EFHC2: variants seen among roughly 807,000 people sequenced by gnomAD.
EFHC2 encodes EF-hand domain containing 2.
Under a neutral mutation model 52.7 loss-of-function variants are expected in EFHC2, and 18 were observed. That is an observed-to-expected ratio of 0.34 (90% CI 0.24 to 0.51). The LOEUF (loss-of-function observed/expected upper bound fraction) is 0.51, where lower values mean the gene tolerates loss of function less well. EFHC2 is among the 20% of genes least tolerant of loss of function. The pLI is 0.97. For synonymous variants in EFHC2, 203 were observed against 204.1 expected (o/e 0.99, Z 0.04); for missense variants, 513 against 562.5 (o/e 0.91, Z 0.89).
rs528354673 is a variant in EFHC2, at chrX:44,302,780, G to T, written c.231+9788C>A. On this transcript the variant is annotated intron_variant, in intron 2 of 14. Transcript: ENST00000420999. Reference sequence around the variant, plus strand: ...TGGTGTCTTTTATGACATGGTAATAGCAAGAGTCAGATAATCTGAGAATTA... The same window carrying T: ...TGGTGTCTTTTATGACATGGTAATATCAAGAGTCAGATAATCTGAGAATTA... Among the ~76,000 whole-genome samples, 20 of 112,132 alleles carry T rather than the reference G, an allele frequency of 1.8e-4. No homozygotes were observed. In the South Asian group the frequency reaches 5.9e-3, roughly 33 times the overall value.
chrX:44,315,449 C>T (rs966175894), intron 1 of EFHC2, among the ~76,000 whole-genome samples: 2 of 111,622 alleles, frequency 1.8e-5, no homozygotes, highest in African/African-American at 3.3e-5. Flanking sequence ...TTTTATATCT[C>T]ATTTATTATC....
At chrX:44,337,704 A>G (rs970585246) in intron 1 of EFHC2, among the ~76,000 whole-genome samples, 1 of 112,316 alleles carries the variant, frequency 8.9e-6, no homozygotes, top group Non-Finnish European at 1.9e-5. Context: ...TTTATTTCAC[A>G]TAAATTCGGA....
intron 11 of EFHC2, among the ~76,000 whole-genome samples, chrX:44,227,244 A>G (rs930959452): frequency 9.0e-6 from 1 of 111,649 alleles, no homozygotes; most frequent in African/African-American, 3.3e-5. Flanking sequence ...ATTAGCTAGT[A>G]AAAGCACTGA....
At chrX:44,231,856 C>T (rs1038829932) in intron 10 of EFHC2, among the ~76,000 whole-genome samples, 1 of 111,948 alleles carries the variant, frequency 8.9e-6, no homozygotes, top group South Asian at 3.7e-4. Context: ...CATTTAAAAT[C>T]AAGATTTTAT....
chrX:44,177,900 G>T (rs991201601), intron 12 of EFHC2, among the ~76,000 whole-genome samples: 1 of 108,666 alleles, frequency 9.2e-6, no homozygotes, highest in African/African-American at 3.4e-5. Flanking sequence ...AAGATACAGG[G>T]CCTCCCCTAT....
At chrX:44,229,903 G>C in intron 10 of EFHC2, 124 bp from the exon 11 acceptor site, 1 of 697,805 alleles carries the variant, frequency 1.4e-6, no homozygotes, top group Non-Finnish European at 2.1e-6. Flanking sequence ...ATTTGTCTTT[G>C]CAAAGAAACC....
intron 11 of EFHC2, among the ~76,000 whole-genome samples, chrX:44,226,281 T>C (rs2037231521): frequency 9.0e-6 from 1 of 111,111 alleles, no homozygotes; most frequent in South Asian, 3.8e-4. Context: ...AGGGTCCAAG[T>C]AAACAGTGAT....
chrX:44,313,787 C>G (rs58486996), intron 1 of EFHC2, among the ~76,000 whole-genome samples: 7,252 of 110,089 alleles, frequency 0.066, 534 homozygotes, highest in African/African-American at 0.21. Context: ...AACCCCATCT[C>G]TACTAAAAAT....
At position 44,312,801 on chromosome X, in the gene EFHC2, A is replaced by G. The variant is rs760373647; in HGVS notation, c.43-45T>C. ...CATAAAATAGCCAAAGTTACTCTTT[A>G]TGACTTTTCTAACCTGTTTGTAAAA... is the stretch of plus-strand genomic sequence containing the variant. On this transcript the variant is annotated intron_variant, in intron 1 of 14. Transcript: ENST00000420999. 7 of 1,088,703 alleles carry G rather than the reference A, an allele frequency of 6.4e-6. No homozygotes were observed. The East Asian group carries it at 1.0e-4, about 16-fold the overall frequency. 89.7% of individuals were successfully genotyped at this position (1,088,703 alleles called of 1,213,427 possible).
intron 11 of EFHC2, among the ~76,000 whole-genome samples, chrX:44,192,061 AGTGT>A (rs3037410): frequency 0.026 from 2,511 of 95,307 alleles, 25 homozygotes; most frequent in Non-Finnish European, 0.031. Context: ...CACATATGTA[AGTGT>A]GTGTGTGTGT....
intron 14 of EFHC2, among the ~76,000 whole-genome samples, chrX:44,161,828 G>T (rs1425182459): frequency 8.9e-6 from 1 of 112,439 alleles, no homozygotes; most frequent in Non-Finnish European, 1.9e-5. Context: ...GCAAATGACA[G>T]TATTGATTTG....
intron 1 of EFHC2, among the ~76,000 whole-genome samples, chrX:44,342,946 G>A (rs1274158734): frequency 1.8e-5 from 2 of 109,687 alleles, no homozygotes; most frequent in South Asian, 7.8e-4. Context: ...AAGTTTGGGT[G>A]CCTGTCTCTA....
In EFHC2 at chrX:44,282,198, C is replaced by T. The variant is rs141216796; in HGVS notation, c.232-9362G>A. On this transcript the variant is annotated intron_variant, in intron 2 of 14. Transcript: ENST00000420999. ...AAAAAGGGAAGGGCTTGGTGAATTACGGCACATCTACGTTCTCCATGGAGT... is the reference window on the plus strand; with the variant it reads ...AAAAAGGGAAGGGCTTGGTGAATTATGGCACATCTACGTTCTCCATGGAGT... 8.9e-3 allele frequency among the ~76,000 whole-genome samples: 981 copies of T among 109,810 alleles called. 15 individuals carry two copies. The highest frequency in any genetic ancestry group is 0.031 in the African/African-American group (935 of 30,142).
intron 2 of EFHC2, among the ~76,000 whole-genome samples, chrX:44,289,268 C>T (rs1170077357): frequency 9.0e-6 from 1 of 111,487 alleles, no homozygotes; most frequent in East Asian, 2.8e-4. Context: ...TTCATGACCT[C>T]CCCATGGTTG....
At chrX:44,263,778 A>G (rs2037557929) in intron 3 of EFHC2, among the ~76,000 whole-genome samples, 1 of 112,255 alleles carries the variant, frequency 8.9e-6, no homozygotes, top group African/African-American at 3.2e-5. Flanking sequence ...TTTAAAATAT[A>G]TAAGAATTAT....
At chrX:44,168,762 T>C (rs982720785) in intron 13 of EFHC2, among the ~76,000 whole-genome samples, 27 of 110,248 alleles carry the variant, frequency 2.4e-4, no homozygotes, top group Non-Finnish European at 1.1e-4. Flanking sequence ...AAACTCTCCC[T>C]TTCCCCATCA....
chrX:44,341,857 G>C (rs1459315136), intron 1 of EFHC2, among the ~76,000 whole-genome samples: 2 of 112,135 alleles, frequency 1.8e-5, no homozygotes, highest in Non-Finnish European at 3.8e-5. Flanking sequence ...AAAAATATAC[G>C]CAGAACCTTG....
At chrX:44,211,131 G>A (rs1569284583) in intron 11 of EFHC2, among the ~76,000 whole-genome samples, 1 of 112,310 alleles carries the variant, frequency 8.9e-6, no homozygotes, top group Non-Finnish European at 1.9e-5. Context: ...TATTAGGATA[G>A]CTAAAATTTA....
chrX:44,289,717 T>C (rs1234826045), intron 2 of EFHC2, among the ~76,000 whole-genome samples: 4 of 96,186 alleles, frequency 4.2e-5, no homozygotes, highest in Non-Finnish European at 8.3e-5. Context: ...AGACTCACTC[T>C]GTCGCCAGGG....
Sources: gnomAD v4.1 joint callset for allele counts (sites outside exome capture counted in the v4.1 genomes callset) on GRCh38, gnomAD v4.1.1 for gene constraint, MANE v1.5 for transcripts, NCBI Gene and HGNC (gene_info 2026-07-23, HGNC 2026-07-21) for gene names.